ZNF462: variants seen among roughly 807,000 people sequenced by gnomAD.
The protein encoded by ZNF462 is zinc finger PBX1-interacting protein.
In ZNF462, 10 loss-of-function variants were observed where a neutral mutation model predicts 201.9. The ratio of observed to expected loss-of-function variants is 0.05; its 90% confidence interval spans 0.03 to 0.08. ZNF462 has a LOEUF of 0.08. Among genes scored for constraint, ZNF462 ranks in the 10% least tolerant of loss-of-function variants. ZNF462 has a pLI of 1.00. For synonymous variants in ZNF462, 1,227 were observed against 1,193.3 expected (o/e 1.03, Z -0.58); for missense variants, 2,523 against 3,168.3 (o/e 0.80, Z 4.89).
intron 1 of ZNF462, among the ~76,000 whole-genome samples, chr9:106,915,307 T>C (rs956631220): frequency 6.6e-6 from 1 of 152,116 alleles, no homozygotes; most frequent in Non-Finnish European, 1.5e-5. Context: ...TATATGGAAT[T>C]CGAGGCTTGG....
Position 106,926,335 on chromosome 9 carries a change from A to T in ZNF462, c.2423A>T (p.Lys808Ile), listed in dbSNP as rs755209596. ...TATTATGGCTCCTCAACAAACTTGA[A>T]AGATCACCAAGTTTCCAATACTGCT... ...EDYYGSSTNLKDHQVSNTALL... is the reference protein window; with the variant it reads ...EDYYGSSTNLIDHQVSNTALL... Residue 808 changes from lysine (K) to isoleucine (I), a missense_variant, in exon 3 of 13, where the codon AAA becomes ATA. Physicochemically the swap from Lys to Ile is moderately radical, Grantham distance 102. This residue lies in a region of ZNF462 where 383 missense variants were observed against 453.4 expected (regional missense o/e 0.84). Transcript: ENST00000277225. The surrounding 1 kb of genome is among the most constrained non-coding windows in gnomAD (Gnocchi z 7.9). 2 of 1,614,186 alleles carry T rather than the reference A, an allele frequency of 1.2e-6. No homozygotes were observed. Among genetic ancestry groups the T allele is most frequent in the Admixed American group, 1.7e-5 (1 of 60,026 alleles).
Position 107,010,759 on chromosome 9 carries a change from T to C in ZNF462, c.7314-64T>C. On this transcript the variant is annotated intron_variant, in intron 12 of 12. Coordinates refer to ENST00000277225, the MANE Select transcript of ZNF462 (RefSeq NM_021224.6). The surrounding 1 kb of genome is among the most constrained non-coding windows in gnomAD (Gnocchi z 4.6). ...AGACACTCGAGGGTTTTTATTATTT[T>C]TTTGTTTAAAAAGAGAAATATATAT... 7.0e-7 allele frequency: 1 copy of C among 1,423,940 alleles called. No individual in the cohort carries two copies. Among genetic ancestry groups the C allele is most frequent in the South Asian group, 1.4e-5 (1 of 70,412 alleles). 88.2% of individuals were successfully genotyped at this position (1,423,940 alleles called of 1,614,324 possible).
At chr9:107,007,288 G>A (rs566164947) in intron 11 of ZNF462, among the ~76,000 whole-genome samples, 1 of 152,280 alleles carries the variant, frequency 6.6e-6, no homozygotes, top group East Asian at 1.9e-4. Flanking sequence ...TTAAAACATG[G>A]TGGTTGAGAT....
At position 106,978,940 on chromosome 9, in the gene ZNF462, CT is replaced by C; in HGVS notation, c.6832+4670del. 1 of 314,620 alleles carries C rather than the reference CT, an allele frequency of 3.2e-6. No homozygotes were observed. 19.5% of individuals were successfully genotyped at this position (314,620 alleles called of 1,614,324 possible). On this transcript the variant is annotated intron_variant, in intron 9 of 12. Transcript: ENST00000277225. This position sits in a 1 kb window ranked among gnomAD's most constrained non-coding sequence, Gnocchi z 4.1. ...GCTTCTACCAGCTTAGCCAAAGCGC[CT>C]TTGTCTTCCAAGTTAATGTGTGTGA... is the stretch of plus-strand genomic sequence containing the variant.
At position 106,970,689 on chromosome 9, in the gene ZNF462, T is replaced by C. The variant is rs886442412; in HGVS notation, c.6428-1316T>C. Among the ~76,000 whole-genome samples, 6 of 152,204 alleles carry C rather than the reference T, an allele frequency of 3.9e-5. No individual in the cohort carries two copies. The highest frequency in any genetic ancestry group is 1.4e-4 in the African/African-American group (6 of 41,450). On this transcript the variant is annotated intron_variant, in intron 7 of 12. Coordinates refer to ENST00000277225, the MANE Select transcript of ZNF462 (RefSeq NM_021224.6). This position sits in a 1 kb window ranked among gnomAD's most constrained non-coding sequence, Gnocchi z 4.2. ...GTATTCATGGACTTCATTTGTGTCA[T>C]TCATAGGCAGCTGTAGGTTATATAG...
intron 1 of ZNF462, among the ~76,000 whole-genome samples, chr9:106,916,287 GGTCAGTCAGGCTGACCAGC>G (rs1378924575): frequency 1.3e-5 from 2 of 152,164 alleles, no homozygotes; most frequent in Non-Finnish European, 2.9e-5. Flanking sequence ...CAAGGCCCAA[GGTCAGTCAGGCTGACCAGC>G]CCCCAGGGAA....
At position 106,966,319 on chromosome 9, in the gene ZNF462, A is replaced by G. The variant is rs1256353983; in HGVS notation, c.6428-5686A>G. Among the ~76,000 whole-genome samples the G allele has an allele frequency of 6.6e-6, 1 of 152,038 alleles. No homozygotes were observed. Among genetic ancestry groups the G allele is most frequent in the African/African-American group, 2.4e-5 (1 of 41,394 alleles). ...TTAAGTCATTTTTTTTCATTGTGATAATAATGTAGTTGTTGAATTTCTGTT... is the reference window on the plus strand; with the variant it reads ...TTAAGTCATTTTTTTTCATTGTGATGATAATGTAGTTGTTGAATTTCTGTT... On this transcript the variant is annotated intron_variant, in intron 7 of 12. Coordinates refer to ENST00000277225, the MANE Select transcript of ZNF462 (RefSeq NM_021224.6). The surrounding 1 kb of genome is among the most constrained non-coding windows in gnomAD (Gnocchi z 4.4).
chr9:106,895,588 G>A lies in ZNF462; in HGVS notation c.-30-27766G>A, dbSNP rs1361971855. Among the ~76,000 whole-genome samples the A allele has an allele frequency of 6.6e-6, 1 of 152,200 alleles. No homozygotes were observed. Among genetic ancestry groups the A allele is most frequent in the Non-Finnish European group, 1.5e-5 (1 of 68,042 alleles). ...GATCCCTGTTTCTGTCCGAATGAAG[G>A]GAGGGAGGGAAGGCTCTGACATTTG... On this transcript the variant is annotated intron_variant, in intron 1 of 12. Transcript: ENST00000277225. This position sits in a 1 kb window ranked among gnomAD's most constrained non-coding sequence, Gnocchi z 4.4.
chr9:106,982,168 C>T (rs1015393135), intron 9 of ZNF462, among the ~76,000 whole-genome samples: 4 of 152,164 alleles, frequency 2.6e-5, no homozygotes, highest in Non-Finnish European at 5.9e-5. Context: ...AGTGCCTTAC[C>T]CAGCGTAGTT....
chr9:107,003,848 C>T lies in ZNF462; in HGVS notation c.7189+422C>T, dbSNP rs1426779903. Among the ~76,000 whole-genome samples, 1 of 152,174 alleles carries T rather than the reference C, an allele frequency of 6.6e-6. No individual in the cohort carries two copies. Among genetic ancestry groups the T allele is most frequent in the Non-Finnish European group, 1.5e-5 (1 of 68,000 alleles). On this transcript the variant is annotated intron_variant, in intron 11 of 12. Transcript: ENST00000277225. This position sits in a 1 kb window ranked among gnomAD's most constrained non-coding sequence, Gnocchi z 4.4. ...CACACACTGCTGGAACTGTAGGGGA[C>T]GGTGGTGCAAAGAACTTGAGCCCCT...
Position 106,938,878 on chromosome 9 carries a change from T to C in ZNF462, c.6236-38T>C. 6.4e-7 allele frequency: 1 copy of C among 1,560,970 alleles called. No homozygotes were observed. ...CCTGGCCTTATACCCTTCTCCCCTC[T>C]TTTTCCTGTTCTATTTCTTGTCACC... On this transcript the variant is annotated intron_variant, in intron 6 of 12. Transcript: ENST00000277225. This position sits in a 1 kb window ranked among gnomAD's most constrained non-coding sequence, Gnocchi z 4.4.
intron 1 of ZNF462, among the ~76,000 whole-genome samples, chr9:106,882,789 T>C (rs1306995509): frequency 6.6e-6 from 1 of 152,202 alleles, no homozygotes; most frequent in African/African-American, 2.4e-5. Flanking sequence ...GGAAGACAGG[T>C]CTTTTTCCAA....
chr9:106,921,243 G>A (rs1198512553), intron 1 of ZNF462, among the ~76,000 whole-genome samples: 1 of 152,168 alleles, frequency 6.6e-6, no homozygotes, highest in African/African-American at 2.4e-5. Flanking sequence ...TCTGACCAGG[G>A]CTCTGCTGGG....
At chr9:106,862,201 A>G (rs1335914916), upstream of ZNF462, among the ~76,000 whole-genome samples, 1 of 152,186 alleles carries the variant, frequency 6.6e-6, no homozygotes, top group Non-Finnish European at 1.5e-5. This position sits in a 1 kb window ranked among gnomAD's most constrained non-coding sequence, Gnocchi z 4.2. Context: ...TCACACCGCA[A>G]GCTGGAAAGG....
At chr9:106,971,284 C>T (rs1229138775) in intron 7 of ZNF462, among the ~76,000 whole-genome samples, 1 of 151,066 alleles carries the variant, frequency 6.6e-6, no homozygotes, top group Non-Finnish European at 1.5e-5. Context: ...GTGTAGACGC[C>T]TGTGTACATT....
At chr9:106,931,325 G>T (rs1830415322) in intron 4 of ZNF462, among the ~76,000 whole-genome samples, 2 of 152,096 alleles carry the variant, frequency 1.3e-5, no homozygotes, top group Middle Eastern at 3.2e-3. Context: ...CCTAATAGCA[G>T]CCACCATGTC....
rs1564113902 is a variant in ZNF462, at chr9:106,932,353, G to A, written c.6013-93G>A. On this transcript the variant is annotated intron_variant, in intron 4 of 12. Transcript: ENST00000277225. This position sits in a 1 kb window ranked among gnomAD's most constrained non-coding sequence, Gnocchi z 6.8. ...CGCCCTGGTGGGCCGGGTGGATGGTGAACACTGCTTGCTTGATGGAATGTT... is the reference window on the plus strand; with the variant it reads ...CGCCCTGGTGGGCCGGGTGGATGGTAAACACTGCTTGCTTGATGGAATGTT... The A allele has an allele frequency of 6.3e-7, 1 of 1,587,110 alleles. No individual in the cohort carries two copies. Among genetic ancestry groups the A allele is most frequent in the Middle Eastern group, 1.7e-4 (1 of 6,036 alleles).
At chr9:106,903,623 G>A (rs1829149074) in intron 1 of ZNF462, among the ~76,000 whole-genome samples, 1 of 152,008 alleles carries the variant, frequency 6.6e-6, no homozygotes, top group Admixed American at 6.5e-5. Flanking sequence ...GTGCATATAT[G>A]TTCACAATTG....
chr9:106,908,943 T>TATATATA (rs1564090931), intron 1 of ZNF462, among the ~76,000 whole-genome samples: 1 of 17,686 alleles, frequency 5.7e-5, no homozygotes, highest in African/African-American at 2.0e-4. Context: ...ATATATATAT[T>TATATATA]TTTTTTTTTT....
Sources: gnomAD v4.1 joint callset for allele counts (sites outside exome capture counted in the v4.1 genomes callset) on GRCh38, gnomAD v4.1.1 for gene constraint, gnomAD v4.1.1 regional missense constraint, Gnocchi (gnomAD v3.1) non-coding constraint, MANE v1.5 for transcripts, NCBI Gene and HGNC (gene_info 2026-07-23, HGNC 2026-07-21) for gene names.